The following RALGPS1 variants were observed in gnomAD, a reference collection of about 807,000 sequenced individuals.
The protein encoded by RALGPS1 is ras-specific guanine nucleotide-releasing factor RalGPS1.
Under a neutral mutation model 78.8 loss-of-function variants are expected in RALGPS1, and 19 were observed. That is an observed-to-expected ratio of 0.24 (90% CI 0.17 to 0.35). RALGPS1 has a LOEUF of 0.35. Ranked by LOEUF, RALGPS1 falls within the 10% of genes least tolerant of loss-of-function variation. The pLI, the probability that RALGPS1 is intolerant of heterozygous loss-of-function variation, is 1.00. For synonymous variants in RALGPS1, 228 were observed against 256.3 expected (o/e 0.89, Z 1.06); for missense variants, 454 against 688.3 (o/e 0.66, Z 3.81).
At chr9:127,062,134 G>C (rs1252807354) in intron 7 of RALGPS1, among the ~76,000 whole-genome samples, 1 of 151,988 alleles carries the variant, frequency 6.6e-6, no homozygotes, top group Non-Finnish European at 1.5e-5. Flanking sequence ...GTCTCGCTCT[G>C]TCACCCAGGC....
intron 1 of RALGPS1, among the ~76,000 whole-genome samples, chr9:126,929,917 T>C (rs1384657712): frequency 6.6e-6 from 1 of 152,168 alleles, no homozygotes; most frequent in African/African-American, 2.4e-5. Context: ...CATAGCTCAC[T>C]GAAGTCTTGA....
At chr9:127,089,039 C>T (rs778400951) in intron 8 of RALGPS1, 21 of 1,614,078 alleles carry the variant, frequency 1.3e-5, no homozygotes, top group Admixed American at 5.0e-5. Context: ...GTCCTGGTAG[C>T]GGCTCCGGTA....
rs375231727 is a variant in RALGPS1, at chr9:126,925,639, G to A, written c.-66+10664G>A. 5.3e-5 allele frequency among the ~76,000 whole-genome samples: 8 copies of A among 152,070 alleles called. 1 individual carries two copies. The East Asian group carries it at 1.5e-3, about 29-fold the overall frequency. ...AGGCTAAGGCAGGAAGATTGCTTGA[G>A]TCCCAGAGTTGAGTCTAGCTTGGGC... On this transcript the variant is annotated intron_variant, in intron 1 of 18. Coordinates refer to ENST00000259351, the MANE Select transcript of RALGPS1 (RefSeq NM_014636.3).
intron 5 of RALGPS1, among the ~76,000 whole-genome samples, chr9:127,037,867 T>C (rs767555567): frequency 7.2e-5 from 11 of 152,348 alleles, no homozygotes; most frequent in Non-Finnish European, 8.8e-5. Flanking sequence ...GAAGCTCTGA[T>C]TGGCCAGGTC....
intron 14 of RALGPS1, among the ~76,000 whole-genome samples, chr9:127,201,915 C>T (rs150805809): frequency 2.2e-3 from 333 of 152,326 alleles, no homozygotes; most frequent in Middle Eastern, 0.017. Context: ...CCGCACCGCT[C>T]GAGCAGACAG....
At chr9:126,970,490 C>A (rs2039996656) in intron 3 of RALGPS1, among the ~76,000 whole-genome samples, 1 of 152,138 alleles carries the variant, frequency 6.6e-6, no homozygotes, top group African/African-American at 2.4e-5. Context: ...GCCATTATGA[C>A]CTCTTGAAAC....
chr9:126,968,746 A>G (rs1176039103), intron 3 of RALGPS1, among the ~76,000 whole-genome samples: 1 of 152,182 alleles, frequency 6.6e-6, no homozygotes, highest in Non-Finnish European at 1.5e-5. Flanking sequence ...TACATATGCA[A>G]TTTAAAATTT....
intron 8 of RALGPS1, among the ~76,000 whole-genome samples, chr9:127,083,987 T>G (rs1353728106): frequency 2.0e-5 from 3 of 152,152 alleles, no homozygotes; most frequent in African/African-American, 7.2e-5. Context: ...CTTGGCTCAC[T>G]GCAGCCTCTG....
At chr9:127,051,631 A>G (rs2048312297) in intron 6 of RALGPS1, among the ~76,000 whole-genome samples, 1 of 152,254 alleles carries the variant, frequency 6.6e-6, no homozygotes, top group Non-Finnish European at 1.5e-5. Flanking sequence ...TGAAGTATTT[A>G]GCTCATGTGG....
intron 8 of RALGPS1, among the ~76,000 whole-genome samples, chr9:127,152,108 C>T (rs2058455188): frequency 6.6e-6 from 1 of 152,126 alleles, no homozygotes; most frequent in Admixed American, 6.6e-5. Context: ...GCAGTTTCAT[C>T]TCTGACAGTT....
chr9:126,968,862 G>A (rs972104561), intron 3 of RALGPS1, among the ~76,000 whole-genome samples: 3 of 152,130 alleles, frequency 2.0e-5, no homozygotes, highest in Non-Finnish European at 2.9e-5. Context: ...CAGTTTGATC[G>A]ACATAGAGAA....
In RALGPS1 at chr9:127,212,068, G is replaced by A; in HGVS notation, c.1248-63G>A. 2 of 1,342,824 alleles carry A rather than the reference G, an allele frequency of 1.5e-6. No individual in the cohort carries two copies. The highest frequency in any genetic ancestry group is 1.0e-6 in the Non-Finnish European group (1 of 968,204). 83.2% of individuals were successfully genotyped at this position (1,342,824 alleles called of 1,614,324 possible). A position where few individuals can be genotyped will look rare whatever the true frequency, so the allele number is the denominator to read the frequency against. Reference sequence around the variant, plus strand: ...TAGTGGGGCACCTGTGGTCCCCAGTGAGTGAGAGGGTGCTTGACCTCAGCT... The same window carrying A: ...TAGTGGGGCACCTGTGGTCCCCAGTAAGTGAGAGGGTGCTTGACCTCAGCT... On this transcript the variant is annotated intron_variant, in intron 14 of 18. Coordinates refer to ENST00000259351, the MANE Select transcript of RALGPS1 (RefSeq NM_014636.3). This position sits in a 1 kb window ranked among gnomAD's most constrained non-coding sequence, Gnocchi z 6.0.
At chr9:126,981,823 T>G (rs1038905351) in intron 4 of RALGPS1, among the ~76,000 whole-genome samples, 2 of 152,196 alleles carry the variant, frequency 1.3e-5, no homozygotes, top group Non-Finnish European at 2.9e-5. Context: ...AGCATTTATC[T>G]CTCATAGTCT....
chr9:127,158,637 C>A (rs923175946), intron 8 of RALGPS1, among the ~76,000 whole-genome samples: 2 of 151,932 alleles, frequency 1.3e-5, no homozygotes, highest in Non-Finnish European at 2.9e-5. Flanking sequence ...TTTAAAAATT[C>A]ATTATTTATG....
intron 8 of RALGPS1, among the ~76,000 whole-genome samples, chr9:127,125,586 T>G (rs1354683092): frequency 6.6e-6 from 1 of 152,184 alleles, no homozygotes; most frequent in Non-Finnish European, 1.5e-5. Flanking sequence ...CTCAGGAAAT[T>G]GCTGCTGTTG....
chr9:127,035,086 C>T (rs1276683373), intron 5 of RALGPS1, among the ~76,000 whole-genome samples: 2 of 152,166 alleles, frequency 1.3e-5, no homozygotes, highest in African/African-American at 2.4e-5. Flanking sequence ...TTGTATAACT[C>T]TGTAGTCTCC....
intron 10 of RALGPS1, among the ~76,000 whole-genome samples, chr9:127,169,063 A>C (rs1460847536): frequency 6.6e-6 from 1 of 152,208 alleles, no homozygotes. Flanking sequence ...TTAACTTCTC[A>C]GTATGGCTTT....
intron 8 of RALGPS1, among the ~76,000 whole-genome samples, chr9:127,104,242 C>T (rs1320831060): frequency 6.6e-6 from 1 of 152,184 alleles, no homozygotes; most frequent in Non-Finnish European, 1.5e-5. Context: ...CTGACAAAGC[C>T]CGTCTGTGGC....
chr9:126,981,228 T>C (rs138352260), intron 4 of RALGPS1, among the ~76,000 whole-genome samples: 1 of 152,314 alleles, frequency 6.6e-6, no homozygotes, highest in East Asian at 1.9e-4. Context: ...TTTTGGATGG[T>C]ATTCGGGATG....
Sources: gnomAD v4.1 joint callset for allele counts (sites outside exome capture counted in the v4.1 genomes callset) on GRCh38, gnomAD v4.1.1 for gene constraint, Gnocchi (gnomAD v3.1) non-coding constraint, MANE v1.5 for transcripts, NCBI Gene and HGNC (gene_info 2026-07-23, HGNC 2026-07-21) for gene names.